ARMH4: variants seen among roughly 807,000 people sequenced by gnomAD.
ARMH4 encodes the protein armadillo like helical domain containing 4.
Under a neutral mutation model 61.9 loss-of-function variants are expected in ARMH4, and 49 were observed. The ratio of observed to expected loss-of-function variants is 0.79; its 90% CI spans 0.63 to 1.00. The LOEUF (loss-of-function observed/expected upper bound fraction) is 1.00, where lower values mean the gene tolerates loss of function less well. Ranked by LOEUF, ARMH4 falls within the 50% of genes least tolerant of loss-of-function variation. The probability of loss-of-function intolerance (pLI) is 0.00; values close to 1 mark genes in which losing one functional copy is unlikely to be tolerated. For missense variants in ARMH4, 934 were observed against 930.0 expected (o/e 1.00, Z -0.06); for synonymous variants, 368 against 341.5 (o/e 1.08, Z -0.85).
rs556730858 is a variant in ARMH4 at position 58,057,101 on chromosome 14, T to C, written c.2089+39623A>G. ...CCAATTTGGAATGCTTACCTCACAC[T>C]TTTATCTGAGAAAAAAAATAAACTT... On this transcript the variant is annotated intron_variant, in intron 5 of 7. Coordinates refer to ENST00000267485, the MANE Select transcript of ARMH4 (RefSeq NM_001001872.4). Among the ~76,000 whole-genome samples, 4 of 152,344 alleles carry C rather than the reference T, an allele frequency of 2.6e-5. No individual in the cohort carries two copies. The East Asian group carries it at 7.7e-4, about 29-fold the overall frequency.
At chr14:58,103,958 TA>T (rs1352839663) in intron 4 of ARMH4, among the ~76,000 whole-genome samples, 1 of 151,962 alleles carries the variant, frequency 6.6e-6, no homozygotes, top group Non-Finnish European at 1.5e-5. Flanking sequence ...TATAGAATTA[TA>T]AAAAAATGAA....
rs149254460 is a variant in ARMH4, at chr14:58,145,927, G to T, written c.-57+6148C>A. ...ACTGATAGATGACCTTCAAATTCCA[G>T]GATTTTCTCCATCTTTCAAAGCCCA... On this transcript the variant is annotated intron_variant, in intron 1 of 7. Coordinates refer to ENST00000267485, the MANE Select transcript of ARMH4 (RefSeq NM_001001872.4). Among the ~76,000 whole-genome samples the T allele has an allele frequency of 2.2e-3, 332 of 152,316 alleles. 2 individuals carry two copies. Among genetic ancestry groups the T allele is most frequent in the African/African-American group, 7.2e-3 (301 of 41,576 alleles).
intron 5 of ARMH4, among the ~76,000 whole-genome samples, chr14:58,091,019 T>C (rs1013291216): frequency 5.3e-5 from 8 of 151,242 alleles, no homozygotes; most frequent in Non-Finnish European, 1.2e-4. Context: ...GAGTTCGAGA[T>C]CAGCCTGGGC....
At chr14:58,049,787 C>T (rs376129851) in intron 5 of ARMH4, among the ~76,000 whole-genome samples, 27 of 152,304 alleles carry the variant, frequency 1.8e-4, no homozygotes, top group African/African-American at 6.0e-4. Flanking sequence ...GGAGAGAACT[C>T]ACTTCACTCC....
intron 5 of ARMH4, among the ~76,000 whole-genome samples, chr14:58,064,431 C>T (rs1347910898): frequency 3.9e-5 from 6 of 152,126 alleles, no homozygotes; most frequent in East Asian, 3.8e-4. Flanking sequence ...AGGCAGAAGA[C>T]GACATTATCA....
chr14:58,090,689 GTCAATATGGTGAAACCCCA>G (rs577648641), intron 5 of ARMH4, among the ~76,000 whole-genome samples: 90 of 152,050 alleles, frequency 5.9e-4, no homozygotes, highest in African/African-American at 2.0e-3. Context: ...GACCAGCCTA[GTCAATATGGTGAAACCCCA>G]TCTCTACTAA....
rs374734594 is a variant in ARMH4, at chr14:58,022,969, A to G, written c.2090-10819T>C. ...AAGTATGAGATTGCATTATGTCTAA[A>G]TAAACACATCCATACTTTAACTAAA... is the stretch of plus-strand genomic sequence containing the variant. On this transcript the variant is annotated intron_variant, in intron 5 of 7. Coordinates refer to ENST00000267485, the MANE Select transcript of ARMH4 (RefSeq NM_001001872.4). 2.6e-5 allele frequency among the ~76,000 whole-genome samples: 4 copies of G among 152,358 alleles called. No homozygotes were observed. In the East Asian group the frequency reaches 7.7e-4, roughly 29 times the overall value.
At chr14:58,086,157 T>A (rs948918930) in intron 5 of ARMH4, among the ~76,000 whole-genome samples, 1 of 152,190 alleles carries the variant, frequency 6.6e-6, no homozygotes, top group African/African-American at 2.4e-5. Context: ...AACCACTCCA[T>A]GAGAGTGCCA....
intron 5 of ARMH4, among the ~76,000 whole-genome samples, chr14:58,013,691 G>A (rs1365743816): frequency 1.3e-5 from 2 of 152,118 alleles, no homozygotes; most frequent in Admixed American, 6.6e-5. Context: ...GAAAAGATGA[G>A]GAAACTGGGG....
chr14:58,151,134 T>G (rs1887905530), intron 1 of ARMH4, among the ~76,000 whole-genome samples: 1 of 152,126 alleles, frequency 6.6e-6, no homozygotes, highest in Non-Finnish European at 1.5e-5. Context: ...GGCAGACACT[T>G]TAAAGCAGCC....
At chr14:58,057,634 T>C (rs1594728218) in intron 5 of ARMH4, among the ~76,000 whole-genome samples, 1 of 151,928 alleles carries the variant, frequency 6.6e-6, no homozygotes, top group Non-Finnish European at 1.5e-5. Flanking sequence ...GCGTGGCAGG[T>C]AGATGTAGTG....
intron 5 of ARMH4, among the ~76,000 whole-genome samples, chr14:58,081,470 T>C (rs1885222943): frequency 6.6e-6 from 1 of 152,006 alleles, no homozygotes; most frequent in Non-Finnish European, 1.5e-5. Flanking sequence ...GGCTACTAAG[T>C]AGTACAAAAC....
chr14:58,141,295 A>T (rs1887541186), intron 1 of ARMH4: 6 of 389,864 alleles, frequency 1.5e-5, no homozygotes, highest in Non-Finnish European at 3.1e-5. Context: ...GATCTTTGTG[A>T]AGACCCTCAC....
intron 5 of ARMH4, among the ~76,000 whole-genome samples, chr14:58,070,343 A>C (rs1370862916): frequency 6.6e-6 from 1 of 152,174 alleles, no homozygotes; most frequent in African/African-American, 2.4e-5. Context: ...CACAGAGGAA[A>C]AATGAAGGGG....
chr14:58,122,865 C>A (rs1886772509), intron 4 of ARMH4, among the ~76,000 whole-genome samples: 1 of 152,176 alleles, frequency 6.6e-6, no homozygotes, highest in African/African-American at 2.4e-5. Flanking sequence ...GAGTCAGAAA[C>A]CACTAACCAG....
At chr14:58,005,908 G>A (rs1882155724) in intron 6 of ARMH4, among the ~76,000 whole-genome samples, 1 of 152,182 alleles carries the variant, frequency 6.6e-6, no homozygotes, top group African/African-American at 2.4e-5. Context: ...AGGTTGGGAG[G>A]GAATTCTGAA....
At position 58,131,659 on chromosome 14, in the gene ARMH4, T is replaced by C. The variant is rs754429032; in HGVS notation, c.1684A>G (p.Thr562Ala). 51 of 1,614,020 alleles carry C rather than the reference T, an allele frequency of 3.2e-5. No homozygotes were observed. The South Asian group carries it at 3.3e-4, about 10-fold the overall frequency. Residue 562 changes from threonine (T) to alanine (A), a missense_variant, in exon 4 of 8, where the codon ACA (threonine) becomes GCA (alanine). Transcript: ENST00000267485. ...TCCCCCACCATTATTCCAGGAGGTG[T>C]CACTGGAGATCCCAGAACTGGTGTG... is the stretch of plus-strand genomic sequence containing the variant. ...EFTPVLGSPVTPPGIMVGEPS... is the reference protein window; with the variant it reads ...EFTPVLGSPVAPPGIMVGEPS...
intron 5 of ARMH4, among the ~76,000 whole-genome samples, chr14:58,036,080 G>T (rs949562269): frequency 1.7e-5 from 2 of 118,666 alleles, no homozygotes; most frequent in Non-Finnish European, 3.7e-5. Context: ...TACCAAAGCC[G>T]GGCAGAGACA....
intron 1 of ARMH4, among the ~76,000 whole-genome samples, chr14:58,140,777 T>C (rs1887517972): frequency 6.6e-6 from 1 of 151,614 alleles, no homozygotes; most frequent in African/African-American, 2.4e-5. Context: ...GTGGCGGGCA[T>C]CTGTAATCCC....
Sources: gnomAD v4.1 joint callset for allele counts (sites outside exome capture counted in the v4.1 genomes callset) on GRCh38, gnomAD v4.1.1 for gene constraint, MANE v1.5 for transcripts, NCBI Gene and HGNC (gene_info 2026-07-23, HGNC 2026-07-21) for gene names.